PCDHGB1: variants seen among roughly 807,000 people sequenced by gnomAD.
PCDHGB1 encodes the protein protocadherin gamma subfamily B, 1, also known as protocadherin gamma-B1.
In PCDHGB1, 34 loss-of-function variants were observed where a neutral mutation model predicts 56.6. That is an observed-to-expected ratio of 0.60 (90% CI 0.46 to 0.80). PCDHGB1 has a LOEUF of 0.80. PCDHGB1 is among the 30% of genes least tolerant of loss of function. PCDHGB1 has a pLI of 0.00. For synonymous variants in PCDHGB1, 561 were observed against 505.9 expected (o/e 1.11, Z -1.46); for missense variants, 1,278 against 1,204.6 (o/e 1.06, Z -0.90).
At chr5:141,416,870 A>G (rs1315073474) in intron 1 of PCDHGB1, 4 of 152,154 alleles carry the variant, frequency 2.6e-5, no homozygotes, top group Non-Finnish European at 5.9e-5. Flanking sequence ...GTCAGTCAAC[A>G]TTTGTTGAAT....
At chr5:141,501,290 TACACACACACACACAC>T (rs55762287) in intron 2 of PCDHGB1, among the ~76,000 whole-genome samples, 7 of 136,164 alleles carry the variant, frequency 5.1e-5, no homozygotes, top group South Asian at 2.4e-4. Context: ...TATTCCCTTA[TACACACACACACACAC>T]ACACACACAC....
At chr5:141,403,972 A>G in intron 1 of PCDHGB1, 1 of 1,613,968 alleles carries the variant, frequency 6.2e-7, no homozygotes, top group East Asian at 2.2e-5. Flanking sequence ...TGGAAGATGT[A>G]AATGACAATA....
chr5:141,389,137 T>C, intron 1 of PCDHGB1: 1 of 1,614,020 alleles, frequency 6.2e-7, no homozygotes. Flanking sequence ...GAGTACAATA[T>C]AACCGTTACG....
intron 1 of PCDHGB1, chr5:141,374,182 C>T (rs1262335911): frequency 1.9e-6 from 3 of 1,613,736 alleles, no homozygotes; most frequent in Middle Eastern, 1.6e-4. Flanking sequence ...AGATCCGCTA[C>T]TCTATTCCCG....
At chr5:141,379,876 T>C (rs1775908667) in intron 1 of PCDHGB1, among the ~76,000 whole-genome samples, 1 of 146,348 alleles carries the variant, frequency 6.8e-6, no homozygotes, top group African/African-American at 2.5e-5. Flanking sequence ...TATTTTATGG[T>C]CTGTGAAAGC....
At chr5:141,364,470 A>G in intron 1 of PCDHGB1, 1 of 1,614,038 alleles carries the variant, frequency 6.2e-7, no homozygotes, top group Non-Finnish European at 8.5e-7. Context: ...TTCGTCGGCA[A>G]CATAGCCAAG....
intron 1 of PCDHGB1, chr5:141,390,762 C>T (rs2092226751): frequency 6.0e-6 from 1 of 166,616 alleles, no homozygotes; most frequent in African/African-American, 2.4e-5. Context: ...GTTTTGTTTC[C>T]TGTGTTAACT....
chr5:141,420,330 C>G lies in PCDHGB1; in HGVS notation c.2409+67661C>G, dbSNP rs765696240. 711 of 1,399,258 alleles carry G rather than the reference C, an allele frequency of 5.1e-4. 1 individual carries two copies. The highest frequency in any genetic ancestry group is 6.5e-4 in the Non-Finnish European group (676 of 1,043,138). 86.7% of individuals were successfully genotyped at this position (1,399,258 alleles called of 1,614,324 possible). A position where few individuals can be genotyped will look rare whatever the true frequency, so the allele number is the denominator to read the frequency against. On this transcript the variant is annotated intron_variant, in intron 1 of 3. Coordinates refer to ENST00000523390, the MANE Select transcript of PCDHGB1 (RefSeq NM_018922.3). Reference sequence around the variant, plus strand: ...TTATATTACAATATGCCAATATATTCCAATATAGTGGTATTATTTTAAGAT... The same window carrying G: ...TTATATTACAATATGCCAATATATTGCAATATAGTGGTATTATTTTAAGAT...
intron 1 of PCDHGB1, among the ~76,000 whole-genome samples, chr5:141,470,417 T>A (rs1482173610): frequency 6.6e-6 from 1 of 152,226 alleles, no homozygotes; most frequent in East Asian, 1.9e-4. Context: ...ATTTTATGTA[T>A]TTTTTCCTTG....
At chr5:141,429,361 A>G (rs2097205912) in intron 1 of PCDHGB1, among the ~76,000 whole-genome samples, 1 of 150,698 alleles carries the variant, frequency 6.6e-6, no homozygotes, top group East Asian at 1.9e-4. Context: ...AATGCATGAG[A>G]AAATGGAGAA....
At chr5:141,430,217 T>C (rs1055487905) in intron 1 of PCDHGB1, among the ~76,000 whole-genome samples, 1 of 150,102 alleles carries the variant, frequency 6.7e-6, no homozygotes, top group Non-Finnish European at 1.5e-5. Context: ...TATTATATTA[T>C]ATGATTTGTC....
At chr5:141,380,140 T>C (rs1776247193) in intron 1 of PCDHGB1, among the ~76,000 whole-genome samples, 1 of 151,998 alleles carries the variant, frequency 6.6e-6, no homozygotes, top group Non-Finnish European at 1.5e-5. Context: ...CCTTAAGTGA[T>C]CCACCCGCCT....
chr5:141,362,171 G>T (rs62378417), intron 1 of PCDHGB1: 1 of 1,613,836 alleles, frequency 6.2e-7, no homozygotes, highest in African/African-American at 1.3e-5. Context: ...AGCGACCGCC[G>T]GGAGCCCTCT....
chr5:141,503,400 A>C (rs2099819725), intron 2 of PCDHGB1, among the ~76,000 whole-genome samples: 1 of 151,750 alleles, frequency 6.6e-6, no homozygotes, highest in Non-Finnish European at 1.5e-5. Context: ...TTCGAAACCA[A>C]CCTGGCCAAT....
rs1758905366 is a variant in PCDHGB1 at position 141,352,060 on chromosome 5, G to C, written c.1800G>C (p.Leu600=). 3 of 1,605,742 alleles carry C rather than the reference G, an allele frequency of 1.9e-6. No individual in the cohort carries two copies. The highest frequency in any genetic ancestry group is 2.5e-6 in the Non-Finnish European group (3 of 1,177,274). ...CAGACTCAGGACACAACGCTTGGCT[G>C]TCCTACCACGTGCTGCAGGCCAGCG... is the stretch of plus-strand genomic sequence containing the variant. The part of the protein sequence containing the change: ...VDADSGHNAW[L]SYHVLQASEP... The change falls in exon 1 of 4, where the codon CTG becomes CTC. Residue 600 remains leucine, a synonymous_variant. Coordinates refer to ENST00000523390, the MANE Select transcript of PCDHGB1 (RefSeq NM_018922.3).
chr5:141,462,393 C>A (rs1465154354), intron 1 of PCDHGB1, among the ~76,000 whole-genome samples: 4 of 152,062 alleles, frequency 2.6e-5, no homozygotes, highest in African/African-American at 9.7e-5. Flanking sequence ...GTTAACATTT[C>A]TTTTATGGCA....
rs559316235 is a variant in PCDHGB1, at chr5:141,398,652, C to T, written c.2409+45983C>T. 27 of 1,613,990 alleles carry T rather than the reference C, an allele frequency of 1.7e-5. No homozygotes were observed. The East Asian group carries it at 5.1e-4, about 31-fold the overall frequency. ...TGCAGAAGTATAAACTCTCTCTTAA[C>T]CCAAGTTTCTCATTAATAATTAAGG... On this transcript the variant is annotated intron_variant, in intron 1 of 3. Coordinates refer to ENST00000523390, the MANE Select transcript of PCDHGB1 (RefSeq NM_018922.3).
At chr5:141,369,576 C>T (rs1388999909) in intron 1 of PCDHGB1, among the ~76,000 whole-genome samples, 1 of 152,202 alleles carries the variant, frequency 6.6e-6, no homozygotes, top group Non-Finnish European at 1.5e-5. Context: ...AAGAGACCCT[C>T]TTGCTTTTTA....
chr5:141,456,335 G>A (rs2098850730), intron 1 of PCDHGB1, among the ~76,000 whole-genome samples: 1 of 152,114 alleles, frequency 6.6e-6, no homozygotes. Flanking sequence ...TTGATCTAAG[G>A]GTCCTCGGAA....
Sources: allele counts gnomAD v4.1 joint callset (sites outside exome capture counted in the v4.1 genomes callset), GRCh38; gene constraint gnomAD v4.1.1; transcripts MANE v1.5; gene names NCBI Gene and HGNC (gene_info 2026-07-23, HGNC 2026-07-21).